The following ADARB1 variants were observed in gnomAD, a reference collection of about 807,000 sequenced individuals.
The protein encoded by ADARB1 is adenosine deaminase RNA specific B1, also known as double-stranded RNA-specific editase 1.
ADARB1 carries 10 observed loss-of-function variants against 52.4 expected under a neutral mutation model. The observed-to-expected ratio is 0.19, with a 90% confidence interval of 0.12 to 0.32. The LOEUF is 0.32. Ranked by LOEUF, ADARB1 falls within the 10% of genes least tolerant of loss-of-function variation. The probability of loss-of-function intolerance (pLI) is 1.00; values close to 1 mark genes in which losing one functional copy is unlikely to be tolerated. For missense variants in ADARB1, 643 were observed against 922.3 expected, an observed-to-expected ratio of 0.70 and a Z score of 3.92; for synonymous variants, 349 against 371.1, an observed-to-expected ratio of 0.94 and a Z score of 0.68.
intron 9 of ADARB1, among the ~76,000 whole-genome samples, chr21:45,215,129 C>T (rs568674232): frequency 6.6e-6 from 1 of 152,260 alleles, no homozygotes; most frequent in South Asian, 2.1e-4. Flanking sequence ...CTCATTGTAA[C>T]CTGAAACTCC....
intron 8 of ADARB1, among the ~76,000 whole-genome samples, chr21:45,191,880 A>ATATTT (rs1601874792): frequency 6.4e-5 from 1 of 15,746 alleles, no homozygotes; most frequent in Non-Finnish European, 1.5e-4. Flanking sequence ...ATATATATAT[A>ATATTT]TTTTTTTTTT....
At chr21:45,120,180 A>G (rs937670947) in intron 1 of ADARB1, among the ~76,000 whole-genome samples, 4 of 152,250 alleles carry the variant, frequency 2.6e-5, no homozygotes, top group African/African-American at 9.6e-5. Context: ...TTGTTGGTGA[A>G]GTGCCAAAGA....
At position 45,225,070 on chromosome 21, in the gene ADARB1, GTTGTTTTGTT is replaced by G. The variant is rs6487; in HGVS notation, c.*2889_*2898del. On this transcript the variant is annotated 3_prime_UTR_variant, in exon 11 of 11. Transcript: ENST00000348831. ...ACAAGTAGGGGAAGAGAGGGCTTCTGTTGTTTTGTTTTGTTTTGTTTTGTTAACTAAACCT... is the reference window on the plus strand; with the variant it reads ...ACAAGTAGGGGAAGAGAGGGCTTCTGTTGTTTTGTTTTGTTAACTAAACCT... 1,545 of 986,008 alleles carry G rather than the reference GTTGTTTTGTT, an allele frequency of 1.6e-3. 41 individuals carry two copies. In the Admixed American group the frequency reaches 0.055, roughly 35 times the overall value. 61.1% of individuals were successfully genotyped at this position (986,008 alleles called of 1,614,324 possible).
intron 9 of ADARB1, among the ~76,000 whole-genome samples, chr21:45,206,321 T>C (rs1223581413): frequency 6.6e-6 from 1 of 152,234 alleles, no homozygotes; most frequent in Non-Finnish European, 1.5e-5. Context: ...TAGCGCTGTC[T>C]AAGCAATATC....
rs368892009 is a variant in ADARB1, at chr21:45,221,034, G to A, written c.1926+20G>A. 60 of 1,586,708 alleles carry A rather than the reference G, an allele frequency of 3.8e-5. No individual in the cohort carries two copies. Among genetic ancestry groups the A allele is most frequent in the African/African-American group, 3.2e-4 (24 of 74,626 alleles). On this transcript the variant is annotated intron_variant, in intron 10 of 10. Transcript: ENST00000348831. This position sits in a 1 kb window ranked among gnomAD's most constrained non-coding sequence, Gnocchi z 4.9. ...GGCAAGGTACTGAGGCGCCCTCACC[G>A]CAATGCGCCGGCTCCACCTCCCCAA... is the stretch of plus-strand genomic sequence containing the variant.
chr21:45,212,610 G>A (rs1047466080), intron 9 of ADARB1, among the ~76,000 whole-genome samples: 11 of 152,088 alleles, frequency 7.2e-5, no homozygotes, highest in Admixed American at 1.3e-4. Context: ...TGACCACCCC[G>A]ACAACCAGGG....
chr21:45,166,976 G>T (rs2091278106), intron 2 of ADARB1, among the ~76,000 whole-genome samples: 2 of 152,086 alleles, frequency 1.3e-5, no homozygotes, highest in African/African-American at 2.4e-5. Flanking sequence ...GTCATAAGAG[G>T]TTCTTTTAAA....
intron 2 of ADARB1, among the ~76,000 whole-genome samples, chr21:45,147,136 G>T (rs995006574): frequency 3.9e-5 from 6 of 152,166 alleles, no homozygotes; most frequent in Non-Finnish European, 7.3e-5. Context: ...CAGTTTCTCA[G>T]ACCTGGTTAA....
At chr21:45,198,434 A>G (rs1160062005) in intron 8 of ADARB1, among the ~76,000 whole-genome samples, 1 of 152,148 alleles carries the variant, frequency 6.6e-6, no homozygotes, top group Non-Finnish European at 1.5e-5. Context: ...AAAAGTGTAC[A>G]TTGCTAAAAG....
At chr21:45,196,296 GAA>G (rs1187460241) in intron 8 of ADARB1, among the ~76,000 whole-genome samples, 1 of 140,342 alleles carries the variant, frequency 7.1e-6, no homozygotes, top group Non-Finnish European at 1.6e-5. Flanking sequence ...TCCCTGTGCA[GAA>G]AAAAAAAAAG....
At chr21:45,097,429 G>C (rs2086811072) in intron 1 of ADARB1, among the ~76,000 whole-genome samples, 1 of 151,796 alleles carries the variant, frequency 6.6e-6, no homozygotes, top group Admixed American at 6.6e-5. Flanking sequence ...CCATGGTAGA[G>C]AATCATGATT....
At position 45,226,530 on chromosome 21, in the gene ADARB1, A is replaced by G. The variant is rs1414866850; in HGVS notation, c.*4333A>G. On this transcript the variant is annotated 3_prime_UTR_variant, in exon 11 of 11. Coordinates refer to ENST00000348831, the MANE Select transcript of ADARB1 (RefSeq NM_001112.4). ...GTCAAATACAGACAAAGGATTTGAG[A>G]TGTTCTCAATAAAAAGAAAATGTTT... is the stretch of plus-strand genomic sequence containing the variant. The G allele has an allele frequency of 1.3e-5, 2 of 152,646 alleles. No individual in the cohort carries two copies. Among genetic ancestry groups the G allele is most frequent in the Non-Finnish European group, 2.9e-5 (2 of 68,036 alleles). 9.5% of individuals were successfully genotyped at this position (152,646 alleles called of 1,614,324 possible).
chr21:45,176,940 A>C lies in ADARB1; in HGVS notation c.963+276A>C. 1 of 358,330 alleles carries C rather than the reference A, an allele frequency of 2.8e-6. No individual in the cohort carries two copies. The highest frequency in any genetic ancestry group is 4.8e-6 in the Non-Finnish European group (1 of 209,440). 22.2% of individuals were successfully genotyped at this position (358,330 alleles called of 1,614,324 possible). On this transcript the variant is annotated intron_variant, in intron 4 of 10. Coordinates refer to ENST00000348831, the MANE Select transcript of ADARB1 (RefSeq NM_001112.4). This position sits in a 1 kb window ranked among gnomAD's most constrained non-coding sequence, Gnocchi z 5.8. ...GAGCAGTGTTTACAACACTATCCATAACTCCCTTCCCGTTAGGCAACCCCC... is the reference window on the plus strand; with the variant it reads ...GAGCAGTGTTTACAACACTATCCATCACTCCCTTCCCGTTAGGCAACCCCC...
At chr21:45,075,086 G>T (rs1312012070) in intron 1 of ADARB1, among the ~76,000 whole-genome samples, 1 of 150,468 alleles carries the variant, frequency 6.6e-6, no homozygotes, top group Non-Finnish European at 1.5e-5. Context: ...GCGCTGCGCC[G>T]CGGGGAGGGC....
At chr21:45,097,574 A>G (rs2086819622) in intron 1 of ADARB1, among the ~76,000 whole-genome samples, 1 of 151,836 alleles carries the variant, frequency 6.6e-6, no homozygotes, top group African/African-American at 2.4e-5. Flanking sequence ...GGCAGGAGTG[A>G]TGGAGCATGG....
At chr21:45,190,021 C>T (rs2092236998) in intron 8 of ADARB1, among the ~76,000 whole-genome samples, 1 of 152,154 alleles carries the variant, frequency 6.6e-6, no homozygotes, top group Non-Finnish European at 1.5e-5. Flanking sequence ...ATTATTTCTT[C>T]AAATAAGCTC....
chr21:45,131,206 C>T (rs963719671), intron 2 of ADARB1, among the ~76,000 whole-genome samples: 2 of 152,186 alleles, frequency 1.3e-5, no homozygotes, highest in East Asian at 1.9e-4. Flanking sequence ...TGCTTTCACT[C>T]GGATCACTGA....
intron 2 of ADARB1, among the ~76,000 whole-genome samples, chr21:45,135,176 A>G (rs528505112): frequency 6.6e-6 from 1 of 152,288 alleles, no homozygotes; most frequent in South Asian, 2.1e-4. Flanking sequence ...TGCCAGTTCT[A>G]CTAATTCTGG....
chr21:45,153,783 G>A lies in ADARB1; in HGVS notation c.-47-17827G>A, dbSNP rs541402176. Among the ~76,000 whole-genome samples the A allele has an allele frequency of 9.2e-5, 14 of 152,254 alleles. No homozygotes were observed. The East Asian group carries it at 1.2e-3, about 13-fold the overall frequency. The stretch of plus-strand genomic sequence containing the variant: ...CCAGGGCTGGGGATGCCACACCCTC[G>A]ATGCTTTCCTGGACTGACGGGCGGT... On this transcript the variant is annotated intron_variant, in intron 2 of 10. Coordinates refer to ENST00000348831, the MANE Select transcript of ADARB1 (RefSeq NM_001112.4).
Sources: gnomAD v4.1 joint callset for allele counts (sites outside exome capture counted in the v4.1 genomes callset) on GRCh38, gnomAD v4.1.1 for gene constraint, Gnocchi (gnomAD v3.1) non-coding constraint, MANE v1.5 for transcripts, NCBI Gene and HGNC (gene_info 2026-07-23, HGNC 2026-07-21) for gene names.